Variants in SLC10A7 observed in about 807,000 individuals in gnomAD.
SLC10A7 encodes the protein sodium/bile acid cotransporter 7.
SLC10A7 carries 29 observed loss-of-function variants against 43.2 expected under a neutral mutation model. The ratio of observed to expected loss-of-function variants is 0.67; its 90% CI spans 0.50 to 0.92. The LOEUF (loss-of-function observed/expected upper bound fraction) is 0.92, where lower values mean the gene tolerates loss of function less well. Ranked by LOEUF, SLC10A7 falls within the 40% of genes least tolerant of loss-of-function variation. SLC10A7 has a pLI of 0.00. For missense variants in SLC10A7, 295 were observed against 403.2 expected, an observed-to-expected ratio of 0.73 and a Z score of 2.30; for synonymous variants, 152 against 144.8, an observed-to-expected ratio of 1.05 and a Z score of -0.35.
At chr4:146,307,543 T>G (rs1731666618) in intron 6 of SLC10A7, among the ~76,000 whole-genome samples, 1 of 152,080 alleles carries the variant, frequency 6.6e-6, no homozygotes, top group South Asian at 2.1e-4. Context: ...CCACAAATAT[T>G]AACCCTAAGG....
intron 5 of SLC10A7, among the ~76,000 whole-genome samples, chr4:146,370,284 A>G (rs528223336): frequency 6.6e-6 from 1 of 152,178 alleles, no homozygotes; most frequent in Admixed American, 6.6e-5. Context: ...CACAAGTAAT[A>G]AAAAAAATCC....
At chr4:146,461,387 T>C (rs894501458) in intron 4 of SLC10A7, among the ~76,000 whole-genome samples, 2 of 152,040 alleles carry the variant, frequency 1.3e-5, no homozygotes, top group African/African-American at 4.8e-5. Context: ...TTAAATGAGA[T>C]GGCAAATATG....
rs570246858 is a variant in SLC10A7 at position 146,418,082 on chromosome 4, G to A, written c.435+24701C>T. The stretch of plus-strand genomic sequence containing the variant: ...AGAATAGGGGAGGAAAAGAGATTGA[G>A]ACCCCACATAACTCAGAGCCTCAAA... On this transcript the variant is annotated intron_variant, in intron 5 of 11. Transcript: ENST00000335472. 4.6e-5 allele frequency among the ~76,000 whole-genome samples: 7 copies of A among 152,194 alleles called. No homozygotes were observed. The South Asian group carries it at 8.3e-4, about 18-fold the overall frequency.
At chr4:146,515,156 G>T in intron 2 of SLC10A7, 1 of 702,420 alleles carries the variant, frequency 1.4e-6, no homozygotes, top group Non-Finnish European at 2.6e-6. Flanking sequence ...AAGAAGCTAA[G>T]GAGTGAGAGA....
intron 2 of SLC10A7, among the ~76,000 whole-genome samples, chr4:146,512,334 T>C (rs564808309): frequency 3.3e-4 from 51 of 152,274 alleles, no homozygotes; most frequent in African/African-American, 1.2e-3. Context: ...AATTTGGTAA[T>C]ATATATCAAC....
At chr4:146,338,046 G>A (rs1734009325) in intron 5 of SLC10A7, among the ~76,000 whole-genome samples, 1 of 151,914 alleles carries the variant, frequency 6.6e-6, no homozygotes, top group Non-Finnish European at 1.5e-5. Flanking sequence ...ATGTGTATCT[G>A]CCATTCTGCT....
At chr4:146,306,948 T>C (rs929835506) in intron 6 of SLC10A7, among the ~76,000 whole-genome samples, 1 of 152,218 alleles carries the variant, frequency 6.6e-6, no homozygotes, top group Admixed American at 6.5e-5. Context: ...TACCTAAGTT[T>C]AGTTACACTT....
At chr4:146,402,549 A>G (rs1739293836) in intron 5 of SLC10A7, among the ~76,000 whole-genome samples, 1 of 151,826 alleles carries the variant, frequency 6.6e-6, no homozygotes, top group South Asian at 2.1e-4. Flanking sequence ...CCCACAGGCC[A>G]CTCCAACCCT....
intron 4 of SLC10A7, among the ~76,000 whole-genome samples, chr4:146,471,342 C>G (rs1733556048): frequency 6.6e-6 from 1 of 152,168 alleles, no homozygotes; most frequent in Non-Finnish European, 1.5e-5. Context: ...AACACTGGAC[C>G]AACTGGGTTT....
chr4:146,260,202 T>A (rs892634255), intron 10 of SLC10A7, among the ~76,000 whole-genome samples: 4 of 151,476 alleles, frequency 2.6e-5, no homozygotes, highest in African/African-American at 9.8e-5. Context: ...GGCCTTTTTT[T>A]AAAAAAAAGC....
intron 4 of SLC10A7, among the ~76,000 whole-genome samples, chr4:146,491,182 G>A (rs953923455): frequency 1.3e-5 from 2 of 152,136 alleles, no homozygotes; most frequent in Admixed American, 6.5e-5. Flanking sequence ...AGATACGGGG[G>A]ATGAGGAGGT....
intron 3 of SLC10A7, among the ~76,000 whole-genome samples, chr4:146,508,473 C>A (rs909823375): frequency 6.6e-6 from 1 of 152,114 alleles, no homozygotes; most frequent in African/African-American, 2.4e-5. Flanking sequence ...TATGTTCATT[C>A]TCTGAAACTA....
intron 6 of SLC10A7, among the ~76,000 whole-genome samples, chr4:146,317,305 T>G (rs1195848677): frequency 6.6e-6 from 1 of 152,080 alleles, no homozygotes; most frequent in East Asian, 1.9e-4. Flanking sequence ...AAAAATGTTT[T>G]TGAGTGGCTT....
intron 5 of SLC10A7, among the ~76,000 whole-genome samples, chr4:146,377,992 C>T (rs889620250): frequency 1.3e-5 from 2 of 152,170 alleles, no homozygotes; most frequent in African/African-American, 4.8e-5. Flanking sequence ...GAAGGTGATG[C>T]TGAAGCCCAA....
intron 5 of SLC10A7, among the ~76,000 whole-genome samples, chr4:146,332,057 T>C (rs897041635): frequency 6.6e-6 from 1 of 152,114 alleles, no homozygotes; most frequent in Non-Finnish European, 1.5e-5. Context: ...GGAAGGGTAG[T>C]TAGAAAGAAA....
intron 6 of SLC10A7, among the ~76,000 whole-genome samples, chr4:146,311,945 G>A (rs372425813): frequency 2.0e-4 from 31 of 152,046 alleles, no homozygotes; most frequent in Admixed American, 2.0e-3. Flanking sequence ...CTCTCACAGG[G>A]GTACATGCAA....
At chr4:146,366,158 G>A (rs1018088779) in intron 5 of SLC10A7, among the ~76,000 whole-genome samples, 8 of 152,292 alleles carry the variant, frequency 5.3e-5, no homozygotes, top group African/African-American at 1.9e-4. Context: ...TGCCAAAAAG[G>A]TTGGGAACCA....
intron 10 of SLC10A7, among the ~76,000 whole-genome samples, chr4:146,261,830 T>C (rs1728244265): frequency 6.6e-6 from 1 of 152,218 alleles, no homozygotes; most frequent in African/African-American, 2.4e-5. Flanking sequence ...GTCTCTTTCA[T>C]GTACCCTCTC....
chr4:146,303,433 G>A (rs180781838), intron 7 of SLC10A7, among the ~76,000 whole-genome samples: 9 of 147,568 alleles, frequency 6.1e-5, no homozygotes, highest in Admixed American at 1.4e-4. Flanking sequence ...GCTGGAGTGC[G>A]GTGGCACAAT....
Sources: allele counts gnomAD v4.1 joint callset (sites outside exome capture counted in the v4.1 genomes callset), GRCh38; gene constraint gnomAD v4.1.1; transcripts MANE v1.5; gene names NCBI Gene and HGNC (gene_info 2026-07-23, HGNC 2026-07-21).